The following CDH13 variants were observed in gnomAD, a reference collection of about 807,000 sequenced individuals.
CDH13 encodes the protein cadherin 13, also known as cadherin-13.
CDH13 carries 24 observed loss-of-function variants against 63.8 expected under a neutral mutation model. That is an observed-to-expected ratio of 0.38 (90% CI 0.27 to 0.53). CDH13 has a LOEUF of 0.53. CDH13 is among the 20% of genes least tolerant of loss of function. The pLI is 0.85. For missense variants in CDH13, 1,049 were observed against 903.1 expected, an observed-to-expected ratio of 1.16 and a Z score of -2.07; for synonymous variants, 503 against 355.3, an observed-to-expected ratio of 1.42 and a Z score of -4.67.
At chr16:82,818,236 C>T (rs897213604) in intron 1 of CDH13, among the ~76,000 whole-genome samples, 4 of 152,074 alleles carry the variant, frequency 2.6e-5, no homozygotes, top group Non-Finnish European at 4.4e-5. Context: ...GTTTCTGTTA[C>T]GTAGATGAGG....
intron 3 of CDH13, among the ~76,000 whole-genome samples, chr16:83,091,768 C>G (rs2033924690): frequency 6.6e-6 from 1 of 152,124 alleles, no homozygotes; most frequent in African/African-American, 2.4e-5. Context: ...TACTATATCC[C>G]CAGCATCTAT....
intron 6 of CDH13, among the ~76,000 whole-genome samples, chr16:83,464,436 G>A (rs186976226): frequency 5.9e-5 from 9 of 152,274 alleles, no homozygotes; most frequent in African/African-American, 1.4e-4. Context: ...CGCTTGAACC[G>A]AGGAGGTGGA....
intron 3 of CDH13, among the ~76,000 whole-genome samples, chr16:83,040,782 T>A (rs148710964): frequency 6.6e-6 from 1 of 152,334 alleles, no homozygotes; most frequent in African/African-American, 2.4e-5. Context: ...GCATCCAAAG[T>A]ACTTGGGACA....
At chr16:83,139,491 G>A (rs1004890215) in intron 4 of CDH13, among the ~76,000 whole-genome samples, 9 of 152,140 alleles carry the variant, frequency 5.9e-5, no homozygotes, top group African/African-American at 2.2e-4. Flanking sequence ...ACAATTCACA[G>A]GCTCTGTGTT....
intron 5 of CDH13, among the ~76,000 whole-genome samples, chr16:83,333,413 G>A (rs1186044211): frequency 2.0e-5 from 3 of 152,088 alleles, no homozygotes; most frequent in Admixed American, 6.5e-5. Flanking sequence ...TGGTCCTATG[G>A]GGATGATTGG....
At chr16:83,746,982 A>C (rs1179032040) in intron 10 of CDH13, among the ~76,000 whole-genome samples, 1 of 152,218 alleles carries the variant, frequency 6.6e-6, no homozygotes, top group East Asian at 1.9e-4. Flanking sequence ...CAGGTTCTCT[A>C]TAATATTGTC....
rs574864427 is a variant in CDH13 at position 83,420,728 on chromosome 16, T to C, written c.782-65749T>C. ...ATCTGCAAGCTGGGGAACAGAGAAGTCCATAGTGGCTCAGTCCGAATCCGA... is the reference window on the plus strand; with the variant it reads ...ATCTGCAAGCTGGGGAACAGAGAAGCCCATAGTGGCTCAGTCCGAATCCGA... On this transcript the variant is annotated intron_variant, in intron 6 of 13. Transcript: ENST00000567109. Among the ~76,000 whole-genome samples the C allele has an allele frequency of 9.2e-5, 14 of 152,198 alleles. No individual in the cohort carries two copies. The South Asian group carries it at 2.9e-3, about 32-fold the overall frequency.
At chr16:83,010,149 A>C (rs1174817760) in intron 2 of CDH13, among the ~76,000 whole-genome samples, 1 of 148,548 alleles carries the variant, frequency 6.7e-6, no homozygotes, top group Non-Finnish European at 1.5e-5. Flanking sequence ...AAAAAAAAAA[A>C]AAAAAAAAAA....
intron 10 of CDH13, among the ~76,000 whole-genome samples, chr16:83,724,839 G>C (rs1910189832): frequency 6.6e-6 from 1 of 152,192 alleles, no homozygotes; most frequent in African/African-American, 2.4e-5. Context: ...GCCAGGAGCT[G>C]CTCCCTTGAG....
intron 2 of CDH13, among the ~76,000 whole-genome samples, chr16:82,968,515 T>C (rs994941647): frequency 6.6e-6 from 1 of 151,940 alleles, no homozygotes; most frequent in Non-Finnish European, 1.5e-5. Flanking sequence ...ATAAGGGAGG[T>C]AAACTGAAAT....
In CDH13 at chr16:83,291,689, C is replaced by T. The variant is rs778993567; in HGVS notation, c.637-53173C>T. Reference sequence around the variant, plus strand: ...TAAAACTAGCCCTGACTGCTAATAACTCAAAACCGGTGGAGATTAGAGCAA... The same window carrying T: ...TAAAACTAGCCCTGACTGCTAATAATTCAAAACCGGTGGAGATTAGAGCAA... On this transcript the variant is annotated intron_variant, in intron 5 of 13. Transcript: ENST00000567109. Among the ~76,000 whole-genome samples, 7 of 152,184 alleles carry T rather than the reference C, an allele frequency of 4.6e-5. No homozygotes were observed. In the South Asian group the frequency reaches 6.3e-4, roughly 14 times the overall value.
At position 82,627,040 on chromosome 16, in the gene CDH13, G is replaced by C; in HGVS notation, c.-53G>C. 6.4e-7 allele frequency: 1 copy of C among 1,563,118 alleles called. No homozygotes were observed. The highest frequency in any genetic ancestry group is 8.7e-7 in the Non-Finnish European group (1 of 1,153,224). ...CTGGCTCCCACGGAAAATATGCTCA[G>C]TGCAGCCGCGTGCATGAATGAAAAC... On this transcript the variant is annotated 5_prime_UTR_variant, in exon 1 of 14. Coordinates refer to ENST00000567109, the MANE Select transcript of CDH13 (RefSeq NM_001257.5).
At chr16:83,151,450 A>C (rs75225460) in intron 4 of CDH13, among the ~76,000 whole-genome samples, 19,086 of 152,148 alleles carry the variant, frequency 0.13, 1,221 homozygotes, top group South Asian at 0.21. Context: ...AAATGTACCT[A>C]TGGGAGGATA....
intron 1 of CDH13, among the ~76,000 whole-genome samples, chr16:82,650,161 A>G (rs1209898711): frequency 6.6e-6 from 1 of 152,242 alleles, no homozygotes; most frequent in African/African-American, 2.4e-5. Flanking sequence ...ATTTTGTGTA[A>G]AATAGGATGC....
chr16:83,535,816 AAAG>A lies in CDH13; in HGVS notation c.960+49165_960+49167del, dbSNP rs746670144. ...GTATTTGGAGCAGCAAGCAAGAGAAAAAGAAGGAACGAAGGAAAGGAAGGAAGG... is the reference window on the plus strand; with the variant it reads ...GTATTTGGAGCAGCAAGCAAGAGAAAAAGGAACGAAGGAAAGGAAGGAAGG... On this transcript the variant is annotated intron_variant, in intron 7 of 13. Coordinates refer to ENST00000567109, the MANE Select transcript of CDH13 (RefSeq NM_001257.5). Among the ~76,000 whole-genome samples the A allele has an allele frequency of 3.5e-4, 53 of 151,410 alleles. 1 individual carries two copies. Among genetic ancestry groups the A allele is most frequent in the Admixed American group, 6.6e-4 (10 of 15,186 alleles).
chr16:82,804,816 G>A (rs2037063118), intron 1 of CDH13, among the ~76,000 whole-genome samples: 1 of 152,144 alleles, frequency 6.6e-6, no homozygotes, highest in South Asian at 2.1e-4. Flanking sequence ...TAAAAGAGCT[G>A]TATATAAATT....
At chr16:82,659,584 G>C (rs962873587) in intron 1 of CDH13, among the ~76,000 whole-genome samples, 2 of 152,044 alleles carry the variant, frequency 1.3e-5, no homozygotes, top group African/African-American at 4.8e-5. Context: ...CTCCCCTATT[G>C]GGAATTTCTC....
chr16:82,705,145 C>A, intron 1 of CDH13: 1 of 455,958 alleles, frequency 2.2e-6, no homozygotes, highest in Non-Finnish European at 4.4e-6. Context: ...GTCTTGCTGA[C>A]CACAAAGGCA....
chr16:83,762,867 T>C (rs1286400756), intron 11 of CDH13, among the ~76,000 whole-genome samples: 1 of 152,160 alleles, frequency 6.6e-6, no homozygotes, highest in Non-Finnish European at 1.5e-5. Flanking sequence ...CTGCAAACAA[T>C]GAAGACAAAT....
Sources: gnomAD v4.1 joint callset for allele counts (sites outside exome capture counted in the v4.1 genomes callset) on GRCh38, gnomAD v4.1.1 for gene constraint, MANE v1.5 for transcripts, NCBI Gene and HGNC (gene_info 2026-07-23, HGNC 2026-07-21) for gene names.